CDC14A: variants seen among roughly 807,000 people sequenced by gnomAD.
The protein encoded by CDC14A is dual specificity protein phosphatase CDC14A.
Under a neutral mutation model 74.4 loss-of-function variants are expected in CDC14A, and 53 were observed. The ratio of observed to expected loss-of-function variants is 0.71; its 90% CI spans 0.57 to 0.89. The LOEUF is 0.89. Ranked by LOEUF, CDC14A falls within the 40% of genes least tolerant of loss-of-function variation. The pLI is 0.00. For synonymous variants in CDC14A, 247 were observed against 258.4 expected, an observed-to-expected ratio of 0.96 and a Z score of 0.43; for missense variants, 646 against 713.7, an observed-to-expected ratio of 0.91 and a Z score of 1.08.
intron 12 of CDC14A, among the ~76,000 whole-genome samples, 197 bp from the exon 13 acceptor site, chr1:100,495,805 A>T (rs1299254475): frequency 6.6e-6 from 1 of 152,204 alleles, no homozygotes; most frequent in Non-Finnish European, 1.5e-5. Flanking sequence ...CTCAAAGATG[A>T]GGTTATCATT....
intron 5 of CDC14A, among the ~76,000 whole-genome samples, chr1:100,427,126 C>CAAA (rs1663055191): frequency 1.3e-5 from 2 of 152,134 alleles, no homozygotes; most frequent in Non-Finnish European, 1.5e-5. Flanking sequence ...GTTTTATTAT[C>CAAA]ACCAGGTTTA....
chr1:100,440,988 A>T (rs1250819042), intron 6 of CDC14A, among the ~76,000 whole-genome samples: 1 of 152,238 alleles, frequency 6.6e-6, no homozygotes, highest in Admixed American at 6.5e-5. Flanking sequence ...ATGCCAGTTA[A>T]GAGCTTCTAT....
chr1:100,367,834 C>A (rs936848674), intron 2 of CDC14A, among the ~76,000 whole-genome samples: 1 of 152,098 alleles, frequency 6.6e-6, no homozygotes. Context: ...CTACCTTTAA[C>A]CTGAGGCTCT....
chr1:100,364,455 G>A (rs1028843745), intron 2 of CDC14A, among the ~76,000 whole-genome samples: 3 of 150,958 alleles, frequency 2.0e-5, no homozygotes, highest in African/African-American at 7.4e-5. Context: ...CTCGTGATCC[G>A]CCCGCCTCGG....
chr1:100,517,105 C>A (rs915155906), intron 15 of CDC14A, among the ~76,000 whole-genome samples: 1 of 152,242 alleles, frequency 6.6e-6, no homozygotes, highest in African/African-American at 2.4e-5. Flanking sequence ...GGGACCATAA[C>A]TCTTTGACAT....
chr1:100,430,047 T>C (rs1386372680), intron 5 of CDC14A, among the ~76,000 whole-genome samples: 1 of 152,062 alleles, frequency 6.6e-6, no homozygotes, highest in Admixed American at 6.5e-5. Context: ...AAGTACTGAT[T>C]TTCTTCCTCC....
At chr1:100,404,856 ACAAAAC>A (rs779545059) in intron 4 of CDC14A, among the ~76,000 whole-genome samples, 5 of 151,722 alleles carry the variant, frequency 3.3e-5, no homozygotes, top group Non-Finnish European at 2.9e-5. Flanking sequence ...ACAAAACAAA[ACAAAAC>A]AAAAAACTAA....
chr1:100,519,232 A>G lies in CDC14A; in HGVS notation c.*952A>G, dbSNP rs1007815466. The G allele has an allele frequency of 6.6e-6, 1 of 152,106 alleles. No homozygotes were observed. The highest frequency in any genetic ancestry group is 2.4e-5 in the African/African-American group (1 of 41,428). The allele number at this position is 152,106 out of a possible 1,614,324, so 9.4% of individuals were successfully genotyped here. A position where few individuals can be genotyped will look rare whatever the true frequency, so the allele number is the denominator to read the frequency against. On this transcript the variant is annotated 3_prime_UTR_variant, in exon 16 of 16. Coordinates refer to ENST00000336454, the MANE Select transcript of CDC14A (RefSeq NM_003672.4). The stretch of plus-strand genomic sequence containing the variant: ...ATGGTTTGACATCAGTTTTAAATCA[A>G]TGGAGAGAAAAAACTGAAAAAGATG...
At chr1:100,413,167 C>T (rs1196103839) in intron 4 of CDC14A, among the ~76,000 whole-genome samples, 1 of 152,120 alleles carries the variant, frequency 6.6e-6, no homozygotes, top group Non-Finnish European at 1.5e-5. Flanking sequence ...GAAAAATTGC[C>T]ACAGAATCTT....
chr1:100,351,015 A>G (rs1339050350), upstream of CDC14A, among the ~76,000 whole-genome samples: 1 of 152,152 alleles, frequency 6.6e-6, no homozygotes, highest in Non-Finnish European at 1.5e-5. Context: ...CCAACATGGC[A>G]AAACCCGGTC....
intron 4 of CDC14A, chr1:100,393,400 A>T: frequency 9.8e-6 from 8 of 817,182 alleles, no homozygotes; most frequent in Non-Finnish European, 1.8e-5. Context: ...CATTCTTGCC[A>T]TGCAGTAATG....
intron 12 of CDC14A, 143 bp downstream of exon 12, chr1:100,495,073 ATTTT>A: frequency 1.8e-6 from 1 of 566,580 alleles, no homozygotes. Context: ...TTTATTGATT[ATTTT>A]ATCACTGTTG....
intron 5 of CDC14A, among the ~76,000 whole-genome samples, chr1:100,436,128 T>G (rs1664308844): frequency 6.6e-6 from 1 of 152,156 alleles, no homozygotes; most frequent in Non-Finnish European, 1.5e-5. Context: ...CATGTTATAA[T>G]GCAGGTGAAA....
intron 7 of CDC14A, among the ~76,000 whole-genome samples, chr1:100,444,307 TAA>T (rs768557484): frequency 9.2e-5 from 14 of 152,176 alleles, no homozygotes; most frequent in Non-Finnish European, 1.9e-4. Flanking sequence ...CCTTTCATTT[TAA>T]TAGTTCTCTA....
chr1:100,474,081 C>T (rs1296254791), intron 10 of CDC14A, among the ~76,000 whole-genome samples: 1 of 152,078 alleles, frequency 6.6e-6, no homozygotes, highest in East Asian at 1.9e-4. Context: ...TTGTCAAATA[C>T]TTTTTTGGCA....
chr1:100,503,200 C>A (rs1020368152), intron 15 of CDC14A, among the ~76,000 whole-genome samples: 1 of 152,140 alleles, frequency 6.6e-6, no homozygotes, highest in African/African-American at 2.4e-5. Context: ...TGGTCCAGTG[C>A]AGCTTGTCTA....
At chr1:100,395,689 C>T (rs960293673) in intron 4 of CDC14A, among the ~76,000 whole-genome samples, 1 of 152,118 alleles carries the variant, frequency 6.6e-6, no homozygotes. Flanking sequence ...CACGTCATTA[C>T]CCTGTTTCAA....
rs11166450 is a variant in CDC14A at position 100,419,641 on chromosome 1, G to A, written c.310-4581G>A. ...CCTAGTTGTCTGAAACTTGTAAATGGAGTCTCTCCTTTTTTGGCATAAGTC... is the reference window on the plus strand; with the variant it reads ...CCTAGTTGTCTGAAACTTGTAAATGAAGTCTCTCCTTTTTTGGCATAAGTC... On this transcript the variant is annotated intron_variant, in intron 4 of 15. Coordinates refer to ENST00000336454, the MANE Select transcript of CDC14A (RefSeq NM_003672.4). 4.2e-3 allele frequency among the ~76,000 whole-genome samples: 646 copies of A among 152,268 alleles called. 6 individuals are homozygous for A. The highest frequency in any genetic ancestry group is 0.014 in the African/African-American group (596 of 41,560).
chr1:100,482,387 G>A (rs958634031), intron 10 of CDC14A, among the ~76,000 whole-genome samples: 2 of 152,036 alleles, frequency 1.3e-5, no homozygotes, highest in Non-Finnish European at 1.5e-5. Flanking sequence ...TAAACATGCT[G>A]TTTTCTTTGA....
Sources: gnomAD v4.1 joint callset for allele counts (sites outside exome capture counted in the v4.1 genomes callset) on GRCh38, gnomAD v4.1.1 for gene constraint, MANE v1.5 for transcripts, NCBI Gene and HGNC (gene_info 2026-07-23, HGNC 2026-07-21) for gene names.